SIPA1L3: variants seen among roughly 807,000 people sequenced by gnomAD.
The protein encoded by SIPA1L3 is signal-induced proliferation-associated 1-like protein 3.
A neutral mutation model predicts 150.1 loss-of-function variants in SIPA1L3; 59 were observed. That is an observed-to-expected ratio of 0.39 (90% CI 0.32 to 0.49). The LOEUF is 0.49. Among genes scored for constraint, SIPA1L3 ranks in the 20% least tolerant of loss-of-function variants. The probability of loss-of-function intolerance (pLI) is 0.86; values close to 1 mark genes in which losing one functional copy is unlikely to be tolerated. For missense variants in SIPA1L3, 2,211 were observed against 2,489.5 expected (o/e 0.89, Z 2.38); for synonymous variants, 1,070 against 1,077.6 (o/e 0.99, Z 0.14).
At chr19:37,933,824 A>G (rs1285274599) in intron 1 of SIPA1L3, among the ~76,000 whole-genome samples, 1 of 152,228 alleles carries the variant, frequency 6.6e-6, no homozygotes, top group East Asian at 1.9e-4. Context: ...TGCCTGTGGC[A>G]TGGAACAGGA....
At chr19:38,204,092 G>T in intron 20 of SIPA1L3, 35 bp from the exon 21 acceptor site, 1 of 1,531,924 alleles carries the variant, frequency 6.5e-7, no homozygotes. Flanking sequence ...AGGGGCTTTA[G>T]GGCCTCAGGC....
At chr19:37,996,240 C>G (rs1242839828) in intron 1 of SIPA1L3, among the ~76,000 whole-genome samples, 1 of 151,966 alleles carries the variant, frequency 6.6e-6, no homozygotes, top group Non-Finnish European at 1.5e-5. Context: ...TATTTATTTA[C>G]TTAGAGACAG....
intron 1 of SIPA1L3, among the ~76,000 whole-genome samples, chr19:37,941,209 T>C (rs2046654201): frequency 1.3e-5 from 2 of 152,142 alleles, no homozygotes; most frequent in South Asian, 4.1e-4. Context: ...GGCCCCTTTC[T>C]GTATTGGTGT....
At chr19:37,934,250 G>A (rs1161131055) in intron 1 of SIPA1L3, among the ~76,000 whole-genome samples, 1 of 152,196 alleles carries the variant, frequency 6.6e-6, no homozygotes, top group Non-Finnish European at 1.5e-5. Flanking sequence ...AGGGGACTGA[G>A]GTGCTGATGG....
At chr19:38,195,495 TTCCCTGC>T (rs1972901750) in intron 18 of SIPA1L3, among the ~76,000 whole-genome samples, 1 of 152,060 alleles carries the variant, frequency 6.6e-6, no homozygotes, top group African/African-American at 2.4e-5. Flanking sequence ...TAGTGGAAAT[TTCCCTGC>T]TCCCCAGGCT....
At chr19:37,969,184 G>C (rs572493617) in intron 1 of SIPA1L3, among the ~76,000 whole-genome samples, 15 of 152,250 alleles carry the variant, frequency 9.9e-5, no homozygotes, top group African/African-American at 3.6e-4. Context: ...GGTGAGCCAT[G>C]ATCATGCCAC....
chr19:37,929,646 C>T (rs1488485931), intron 1 of SIPA1L3, among the ~76,000 whole-genome samples: 2 of 152,118 alleles, frequency 1.3e-5, no homozygotes, highest in African/African-American at 2.4e-5. Flanking sequence ...TCTCACCCAT[C>T]TCTCTGCTCC....
chr19:38,197,383 AGGTGCGAGTGCAGTGCTG>A (rs1431088835), intron 18 of SIPA1L3, among the ~76,000 whole-genome samples: 27 of 152,236 alleles, frequency 1.8e-4, no homozygotes, highest in African/African-American at 6.0e-4. Flanking sequence ...TAGCCGCAGC[AGGTGCGAGTGCAGTGCTG>A]GCGCCGTTGC....
At chr19:37,988,261 G>A (rs1255362202) in intron 1 of SIPA1L3, among the ~76,000 whole-genome samples, 2 of 152,236 alleles carry the variant, frequency 1.3e-5, no homozygotes, top group African/African-American at 2.4e-5. Context: ...GCTCACGCCT[G>A]TAATCCCAAC....
chr19:38,084,067 C>CTAG (rs1282649493), intron 3 of SIPA1L3, among the ~76,000 whole-genome samples: 2 of 151,800 alleles, frequency 1.3e-5, no homozygotes, highest in Non-Finnish European at 2.9e-5. Context: ...AGAAGGGACT[C>CTAG]TCCTGTGAAG....
intron 16 of SIPA1L3, chr19:38,184,816 C>G (rs1425036708): frequency 1.3e-5 from 2 of 152,198 alleles, no homozygotes; most frequent in Non-Finnish European, 2.9e-5. Flanking sequence ...CTTAAAAACT[C>G]AGCAGCCTCC....
chr19:38,110,451 T>C, intron 8 of SIPA1L3, 67 bp downstream of exon 8: 1 of 1,450,042 alleles, frequency 6.9e-7, no homozygotes, highest in Non-Finnish European at 9.5e-7. Context: ...CCCAAGTGGG[T>C]CCCAGTACAG....
chr19:38,077,663 T>TTC (rs1969872803), intron 2 of SIPA1L3, among the ~76,000 whole-genome samples: 1 of 43,818 alleles, frequency 2.3e-5, no homozygotes, highest in Non-Finnish European at 4.7e-5. Flanking sequence ...TTCTTTTTCT[T>TTC]TTTTTTTTTT....
At chr19:38,151,742 C>T (rs570568850) in intron 12 of SIPA1L3, among the ~76,000 whole-genome samples, 23 of 152,038 alleles carry the variant, frequency 1.5e-4, no homozygotes, top group Admixed American at 3.3e-4. Flanking sequence ...GTAGGCAAAT[C>T]GCTTGGGCCC....
chr19:38,103,245 A>G (rs1339773620), intron 6 of SIPA1L3, among the ~76,000 whole-genome samples: 1 of 152,076 alleles, frequency 6.6e-6, no homozygotes, highest in African/African-American at 2.4e-5. Context: ...GAGTGTGGGT[A>G]GTGGTCTTTT....
intron 1 of SIPA1L3, among the ~76,000 whole-genome samples, chr19:37,957,339 G>T (rs141726433): frequency 1.2e-3 from 184 of 152,272 alleles, no homozygotes; most frequent in East Asian, 7.7e-3. Context: ...GATAGACTGT[G>T]TGTTGACTCT....
intron 2 of SIPA1L3, among the ~76,000 whole-genome samples, chr19:38,076,258 C>G (rs988704831): frequency 2.0e-5 from 3 of 151,996 alleles, no homozygotes; most frequent in African/African-American, 7.3e-5. Context: ...TTATCATTTG[C>G]TACCATAAAA....
At chr19:38,190,958 T>C (rs965461257) in intron 16 of SIPA1L3, among the ~76,000 whole-genome samples, 1 of 152,186 alleles carries the variant, frequency 6.6e-6, no homozygotes, top group African/African-American at 2.4e-5. Context: ...GTGGCGTGGG[T>C]AGGCACTGCA....
chr19:37,944,985 C>A (rs8107445), intron 1 of SIPA1L3, among the ~76,000 whole-genome samples: 2,060 of 152,176 alleles, frequency 0.014, 39 homozygotes, highest in African/African-American at 0.046. Context: ...ATTCAATACA[C>A]CTCACCTTTC....
Sources: allele counts gnomAD v4.1 joint callset (sites outside exome capture counted in the v4.1 genomes callset), GRCh38; gene constraint gnomAD v4.1.1; transcripts MANE v1.5; gene names NCBI Gene and HGNC (gene_info 2026-07-23, HGNC 2026-07-21).